The following BRK1 variants were observed in gnomAD, a reference collection of about 807,000 sequenced individuals.
BRK1 encodes the protein BRICK1 subunit of SCAR/WAVE actin nucleating complex.
A neutral mutation model predicts 9.9 loss-of-function variants in BRK1; 6 were observed. The observed-to-expected ratio is 0.60, with a 90% CI of 0.33 to 1.19. The LOEUF (loss-of-function observed/expected upper bound fraction) is 1.19. Among genes scored for constraint, BRK1 ranks in the 50% most tolerant of loss-of-function variants. The pLI is 0.04. For missense variants in BRK1, 62 were observed against 97.5 expected, an observed-to-expected ratio of 0.64 and a Z score of 1.53; for synonymous variants, 44 against 31.9, an observed-to-expected ratio of 1.38 and a Z score of -1.28.
At chr3:10,123,974 A>G (rs187656818) in intron 1 of BRK1, among the ~76,000 whole-genome samples, 129 of 150,272 alleles carry the variant, frequency 8.6e-4, no homozygotes, top group African/African-American at 2.9e-3. Context: ...ACCTCAGTTG[A>G]TCTGCCCACC....
chr3:10,122,151 G>A (rs916054195), intron 1 of BRK1, among the ~76,000 whole-genome samples: 6 of 147,850 alleles, frequency 4.1e-5, no homozygotes, highest in African/African-American at 1.0e-4. Context: ...CTTGAACTCC[G>A]ACCTCAGGTG....
intron 1 of BRK1, among the ~76,000 whole-genome samples, chr3:10,116,075 CCT>C (rs1695681208): frequency 6.6e-6 from 1 of 151,832 alleles, no homozygotes; most frequent in African/African-American, 2.4e-5. Flanking sequence ...AAGTCCTTCT[CCT>C]AGACGCGTCA....
At chr3:10,116,596 C>A (rs934385060) in intron 1 of BRK1, among the ~76,000 whole-genome samples, 1 of 152,070 alleles carries the variant, frequency 6.6e-6, no homozygotes, top group Non-Finnish European at 1.5e-5. Context: ...AGATTCCTAC[C>A]CCTTCTTCTC....
intron 1 of BRK1, among the ~76,000 whole-genome samples, chr3:10,119,412 C>T (rs35985224): frequency 2.0e-5 from 3 of 152,084 alleles, no homozygotes; most frequent in South Asian, 2.1e-4. Context: ...GAGCCAAGAT[C>T]GTGCCACTGT....
intron 1 of BRK1, among the ~76,000 whole-genome samples, chr3:10,123,358 A>G (rs573834107): frequency 1.3e-5 from 2 of 151,890 alleles, no homozygotes; most frequent in South Asian, 4.2e-4. Flanking sequence ...AACAGTAGTG[A>G]CATGGCTTTA....
At chr3:10,120,998 G>A (rs756465386) in intron 1 of BRK1, among the ~76,000 whole-genome samples, 22 of 152,304 alleles carry the variant, frequency 1.4e-4, no homozygotes, top group African/African-American at 4.6e-4. Context: ...AAAGAGGCTT[G>A]GTCCTGTTGG....
chr3:10,122,509 C>A (rs949016304), intron 1 of BRK1, among the ~76,000 whole-genome samples: 1 of 151,758 alleles, frequency 6.6e-6, no homozygotes, highest in Admixed American at 6.6e-5. Flanking sequence ...AGTTTGAGAT[C>A]AGCCTGGGCA....
intron 2 of BRK1, 31 bp from the exon 3 acceptor site, chr3:10,126,238 T>A: frequency 1.3e-6 from 2 of 1,488,222 alleles, no homozygotes; most frequent in South Asian, 2.7e-5. Context: ...TTTTAATTTA[T>A]CTAAATGTCA....
intron 1 of BRK1, among the ~76,000 whole-genome samples, chr3:10,124,311 T>A (rs1029186057): frequency 2.9e-5 from 4 of 139,718 alleles, no homozygotes; most frequent in Non-Finnish European, 6.6e-5. Flanking sequence ...AAAAAAAAAA[T>A]TAGCTGGGCA....
At chr3:10,123,655 C>T (rs550234895) in intron 1 of BRK1, among the ~76,000 whole-genome samples, 2 of 102 alleles carry the variant, frequency 0.02, no homozygotes, top group Non-Finnish European at 0.028. Context: ...AGGATGGTCT[C>T]CATCTCCTGA....
At chr3:10,124,842 T>C (rs1453456018) in intron 1 of BRK1, among the ~76,000 whole-genome samples, 1 of 152,196 alleles carries the variant, frequency 6.6e-6, no homozygotes, top group Non-Finnish European at 1.5e-5. Flanking sequence ...CATCCCTTGG[T>C]TCATGGCTCC....
chr3:10,118,999 T>TG (rs1695721377), intron 1 of BRK1, among the ~76,000 whole-genome samples: 1 of 147,258 alleles, frequency 6.8e-6, no homozygotes, highest in Admixed American at 6.7e-5. Context: ...CCTAATGGTT[T>TG]TTTTTGTTTG....
intron 2 of BRK1, 43 bp from the exon 3 acceptor site, chr3:10,126,226 T>C (rs1434259142): frequency 5.5e-6 from 8 of 1,449,962 alleles, no homozygotes; most frequent in Non-Finnish European, 7.3e-6. Flanking sequence ...CCCTCTAATC[T>C]TTTTTAATTT....
intron 1 of BRK1, among the ~76,000 whole-genome samples, chr3:10,123,817 C>T (rs1380303968): frequency 7.4e-6 from 1 of 134,662 alleles, no homozygotes; most frequent in Non-Finnish European, 1.5e-5. Flanking sequence ...CTCACTGCAA[C>T]CTCCGCCTCC....
intron 2 of BRK1, 67 bp from the exon 3 acceptor site, chr3:10,126,202 A>T: frequency 8.4e-7 from 1 of 1,190,558 alleles, no homozygotes; most frequent in Non-Finnish European, 1.1e-6. Flanking sequence ...GGATCTAAAG[A>T]TTTTTTTTTA....
chr3:10,121,192 G>A (rs2125117779), intron 1 of BRK1, among the ~76,000 whole-genome samples: 1 of 152,314 alleles, frequency 6.6e-6, no homozygotes, highest in East Asian at 1.9e-4. Context: ...AGAATGGGGA[G>A]TGACAGGACT....
chr3:10,119,052 C>T (rs1021088448), intron 1 of BRK1, among the ~76,000 whole-genome samples: 3 of 150,192 alleles, frequency 2.0e-5, no homozygotes, highest in African/African-American at 7.4e-5. Context: ...TGTTCTGTTG[C>T]CTGGAGTGCA....
chr3:10,123,684 T>C (rs1229741244), intron 1 of BRK1, among the ~76,000 whole-genome samples: 14 of 140,596 alleles, frequency 1.0e-4, no homozygotes, highest in Admixed American at 7.3e-5. Context: ...TCCACTGCCT[T>C]GGCCTCACAA....
chr3:10,125,401 T>C (rs1015213675), intron 1 of BRK1, among the ~76,000 whole-genome samples: 6 of 151,996 alleles, frequency 3.9e-5, no homozygotes, highest in Non-Finnish European at 1.5e-5. Context: ...CACCGTGCCC[T>C]GCAGGAAAGG....
Sources: gnomAD v4.1 joint callset for allele counts (sites outside exome capture counted in the v4.1 genomes callset) on GRCh38, gnomAD v4.1.1 for gene constraint, MANE v1.5 for transcripts, NCBI Gene and HGNC (gene_info 2026-07-23, HGNC 2026-07-21) for gene names.